Variants in CCDC170 observed in about 807,000 individuals in gnomAD.
CCDC170 encodes the protein coiled-coil domain containing 170.
A neutral mutation model predicts 72.6 loss-of-function variants in CCDC170; 69 were observed. The ratio of observed to expected loss-of-function variants is 0.95; its 90% confidence interval spans 0.78 to 1.16. CCDC170 has a LOEUF of 1.16. Ranked by LOEUF, CCDC170 falls within the 50% of genes most tolerant of loss-of-function variation. The probability of loss-of-function intolerance (pLI) is 0.00; values close to 1 mark genes in which losing one functional copy is unlikely to be tolerated. For synonymous variants in CCDC170, 300 were observed against 303.9 expected (o/e 0.99, Z 0.13); for missense variants, 852 against 832.5 (o/e 1.02, Z -0.29).
chr6:151,534,705 C>T (rs976577043), intron 1 of CCDC170, among the ~76,000 whole-genome samples: 5 of 152,134 alleles, frequency 3.3e-5, no homozygotes, highest in African/African-American at 9.7e-5. Flanking sequence ...CTAAGAGCTC[C>T]GAAGGTTTTG....
intron 1 of CCDC170, among the ~76,000 whole-genome samples, chr6:151,515,020 T>C (rs998493644): frequency 1.2e-4 from 19 of 152,246 alleles, no homozygotes; most frequent in African/African-American, 4.6e-4. Context: ...TGATGAGGAA[T>C]GCACTCTTAA....
intron 1 of CCDC170, among the ~76,000 whole-genome samples, chr6:151,518,915 G>T (rs1329337841): frequency 1.3e-5 from 2 of 152,294 alleles, no homozygotes; most frequent in East Asian, 1.9e-4. Context: ...TGAAGATCAC[G>T]TGCTTCTGAA....
chr6:151,615,985 T>A, intron 10 of CCDC170: 1 of 238,198 alleles, frequency 4.2e-6, no homozygotes, highest in African/African-American at 2.3e-5. Flanking sequence ...CCACTATGAT[T>A]TACCCCGCTA....
chr6:151,524,278 C>T (rs759154030), intron 1 of CCDC170, among the ~76,000 whole-genome samples: 7 of 152,306 alleles, frequency 4.6e-5, no homozygotes, highest in South Asian at 2.1e-4. Flanking sequence ...TTCTTCAGTT[C>T]GAAAGAATTC....
chr6:151,535,032 G>A (rs1782554374), intron 1 of CCDC170, among the ~76,000 whole-genome samples: 1 of 152,148 alleles, frequency 6.6e-6, no homozygotes, highest in South Asian at 2.1e-4. Flanking sequence ...ATTCTTGAAG[G>A]AAGCAGGCAT....
chr6:151,602,802 CT>C (rs756217308), intron 9 of CCDC170, among the ~76,000 whole-genome samples: 411 of 141,206 alleles, frequency 2.9e-3, no homozygotes, highest in Middle Eastern at 3.6e-3. Context: ...ATATTTCTTT[CT>C]TTTTTTTTTT....
chr6:151,509,889 C>T (rs1456703880), intron 1 of CCDC170, among the ~76,000 whole-genome samples: 1 of 152,126 alleles, frequency 6.6e-6, no homozygotes, highest in African/African-American at 2.4e-5. Context: ...CTTTGGGAGG[C>T]CAAGACAGCT....
At chr6:151,586,841 GT>G (rs1776457603) in intron 7 of CCDC170, among the ~76,000 whole-genome samples, 1 of 152,050 alleles carries the variant, frequency 6.6e-6, no homozygotes, top group South Asian at 2.1e-4. Context: ...CTGGAGTGCA[GT>G]GGCGTGATCT....
intron 5 of CCDC170, among the ~76,000 whole-genome samples, chr6:151,555,625 G>A (rs770909444): frequency 3.3e-5 from 5 of 152,158 alleles, no homozygotes; most frequent in East Asian, 3.9e-4. Flanking sequence ...AAGGAGGTCC[G>A]TCTCATCTTT....
At chr6:151,594,531 A>G (rs1012082528) in intron 8 of CCDC170, among the ~76,000 whole-genome samples, 1 of 152,166 alleles carries the variant, frequency 6.6e-6, no homozygotes. Context: ...TTCTGCTCAG[A>G]TAATTGATTC....
At position 151,552,779 on chromosome 6, in the gene CCDC170, C is replaced by CT. The variant is rs71014597; in HGVS notation, c.774+4318dup. Reference sequence around the variant, plus strand: ...CTAAAACCAGCCAAATCAGCCAATTCTTTTTTTTTTTTTTTTTTTTTTTTT... The same window carrying CT: ...CTAAAACCAGCCAAATCAGCCAATTCTTTTTTTTTTTTTTTTTTTTTTTTTT... On this transcript the variant is annotated intron_variant, in intron 5 of 10. Transcript: ENST00000239374. Among the ~76,000 whole-genome samples, 331 of 56,780 alleles carry CT rather than the reference C, an allele frequency of 5.8e-3. 31 individuals are homozygous for CT. Among genetic ancestry groups the CT allele is most frequent in the African/African-American group, 0.011 (172 of 15,002 alleles). The allele number at this position is 56,780 out of a possible 152,430, so 37.2% of individuals were successfully genotyped here. A position where few individuals can be genotyped will look rare whatever the true frequency, so the allele number is the denominator to read the frequency against.
intron 1 of CCDC170, among the ~76,000 whole-genome samples, chr6:151,502,239 C>T (rs1782003390): frequency 6.6e-6 from 1 of 152,126 alleles, no homozygotes; most frequent in African/African-American, 2.4e-5. Flanking sequence ...CGCCACTGCA[C>T]TCCAGGCTGT....
chr6:151,503,516 G>A (rs916674418), intron 1 of CCDC170, among the ~76,000 whole-genome samples: 4 of 151,938 alleles, frequency 2.6e-5, no homozygotes, highest in Non-Finnish European at 4.4e-5. Context: ...GCAATGGTGC[G>A]ATCACAGCTC....
At position 151,620,145 on chromosome 6, in the gene CCDC170, T is replaced by A. The variant is rs1252079691; in HGVS notation, c.*1998T>A. ...ATAAAATGGGAAAAAATAGTGAAGA[T>A]CTTCTTTTAGGAAAACTACCAATAA... is the stretch of plus-strand genomic sequence containing the variant. On this transcript the variant is annotated 3_prime_UTR_variant, in exon 11 of 11. Transcript: ENST00000239374. 2 of 142,682 alleles carry A rather than the reference T, an allele frequency of 1.4e-5. No homozygotes were observed. The highest frequency in any genetic ancestry group is 1.4e-4 in the Admixed American group (2 of 14,012). 8.8% of individuals were successfully genotyped at this position (142,682 alleles called of 1,614,324 possible).
intron 8 of CCDC170, 39 bp downstream of exon 8, chr6:151,593,319 AT>A: frequency 6.3e-7 from 1 of 1,590,328 alleles, no homozygotes; most frequent in East Asian, 2.3e-5. Context: ...GAGAGAAGAA[AT>A]TTCTGAAAAA....
intron 8 of CCDC170, among the ~76,000 whole-genome samples, chr6:151,595,434 CT>C (rs796568661): frequency 3.2e-4 from 49 of 152,220 alleles, no homozygotes; most frequent in African/African-American, 1.2e-3. Context: ...CTTACAGTCC[CT>C]TTTATTTCTA....
At chr6:151,535,748 T>G (rs1037979302) in intron 1 of CCDC170, among the ~76,000 whole-genome samples, 1 of 152,028 alleles carries the variant, frequency 6.6e-6, no homozygotes, top group Non-Finnish European at 1.5e-5. Flanking sequence ...TCTTTTTTTG[T>G]TTTTTTGTTT....
rs114793448 is a variant in CCDC170, at chr6:151,579,383, G to A, written c.1092+5892G>A. ...AATTTAGTTAGAAAAAAACTTAGTG[G>A]TGTCATGTGCACTGACACCTAAATA... On this transcript the variant is annotated intron_variant, in intron 6 of 10. Transcript: ENST00000239374. Among the ~76,000 whole-genome samples, 1,133 of 152,240 alleles carry A rather than the reference G, an allele frequency of 7.4e-3. 11 individuals are homozygous for A. The highest frequency in any genetic ancestry group is 0.026 in the African/African-American group (1,081 of 41,530).
chr6:151,560,219 A>G (rs1022867085), intron 5 of CCDC170, among the ~76,000 whole-genome samples: 5 of 152,072 alleles, frequency 3.3e-5, no homozygotes, highest in South Asian at 2.1e-4. Context: ...TTGTTTACTC[A>G]AAAGTCATTA....
Sources: allele counts gnomAD v4.1 joint callset (sites outside exome capture counted in the v4.1 genomes callset), GRCh38; gene constraint gnomAD v4.1.1; transcripts MANE v1.5; gene names NCBI Gene and HGNC (gene_info 2026-07-23, HGNC 2026-07-21).